The following DPP10 variants were observed in gnomAD, a reference collection of about 807,000 sequenced individuals.
The protein encoded by DPP10 is dipeptidyl peptidase like 10.
Under a neutral mutation model 120.9 loss-of-function variants are expected in DPP10, and 33 were observed. The observed-to-expected ratio is 0.27, with a 90% CI of 0.21 to 0.37. The LOEUF (loss-of-function observed/expected upper bound fraction) is 0.37, where lower values mean the gene tolerates loss of function less well. Ranked by LOEUF, DPP10 falls within the 10% of genes least tolerant of loss-of-function variation. DPP10 has a pLI of 1.00. For synonymous variants in DPP10, 337 were observed against 326.1 expected (o/e 1.03, Z -0.36); for missense variants, 816 against 942.8 (o/e 0.87, Z 1.76).
intron 1 of DPP10, among the ~76,000 whole-genome samples, chr2:114,930,100 G>A (rs1414354221): frequency 6.6e-6 from 1 of 152,078 alleles, no homozygotes; most frequent in Non-Finnish European, 1.5e-5. Flanking sequence ...CTTGTGATGT[G>A]GGGGCAGCCT....
intron 5 of DPP10, among the ~76,000 whole-genome samples, chr2:115,560,493 T>C (rs1374743890): frequency 7.7e-6 from 1 of 129,916 alleles, no homozygotes; most frequent in Non-Finnish European, 1.6e-5. Flanking sequence ...GGGAAGTATA[T>C]TTACAATCTT....
chr2:115,409,928 C>T (rs898810589), intron 3 of DPP10, among the ~76,000 whole-genome samples: 3 of 152,204 alleles, frequency 2.0e-5, no homozygotes, highest in Non-Finnish European at 4.4e-5. Context: ...AACTCAACAT[C>T]GTGTGTTCTC....
intron 8 of DPP10, among the ~76,000 whole-genome samples, chr2:115,734,430 C>A (rs940817117): frequency 1.1e-4 from 17 of 151,910 alleles, no homozygotes; most frequent in African/African-American, 3.9e-4. Context: ...CCGAGGTGGG[C>A]GGATCAACTG....
chr2:114,577,452 G>A lies in DPP10; in HGVS notation c.60+134614G>A, dbSNP rs185545228. ...CATACCTGGGACCCACCGGACTCATGGGCTTCCAATAAGAGTAACCAGAGG... is the reference window on the plus strand; with the variant it reads ...CATACCTGGGACCCACCGGACTCATAGGCTTCCAATAAGAGTAACCAGAGG... On this transcript the variant is annotated intron_variant, in intron 1 of 25. Transcript: ENST00000410059. 4.6e-5 allele frequency among the ~76,000 whole-genome samples: 7 copies of A among 152,320 alleles called. No homozygotes were observed. In the East Asian group the frequency reaches 1.4e-3, roughly 29 times the overall value.
intron 1 of DPP10, among the ~76,000 whole-genome samples, chr2:114,920,893 C>T (rs939487317): frequency 1.3e-5 from 2 of 152,076 alleles, no homozygotes; most frequent in African/African-American, 4.8e-5. Flanking sequence ...TACAGGTAAC[C>T]ATGGTGACAC....
At chr2:114,450,111 G>A (rs905255156) in intron 1 of DPP10, among the ~76,000 whole-genome samples, 2 of 152,086 alleles carry the variant, frequency 1.3e-5, no homozygotes, top group African/African-American at 2.4e-5. Context: ...AGGAGGAATT[G>A]TATCATGGAA....
intron 5 of DPP10, among the ~76,000 whole-genome samples, chr2:115,568,595 T>C (rs1452779801): frequency 6.6e-6 from 1 of 152,188 alleles, no homozygotes; most frequent in African/African-American, 2.4e-5. Context: ...TTGTCTATTT[T>C]TGGGGGTGAT....
At chr2:114,937,758 T>C (rs1430903847) in intron 1 of DPP10, among the ~76,000 whole-genome samples, 4 of 152,150 alleles carry the variant, frequency 2.6e-5, no homozygotes, top group Admixed American at 2.6e-4. Context: ...TCTTCTGATC[T>C]CGGAAGCTAA....
chr2:114,960,742 G>A lies in DPP10; in HGVS notation c.61-348497G>A, dbSNP rs115158050. On this transcript the variant is annotated intron_variant, in intron 1 of 25. Transcript: ENST00000410059. ...AGAAAATACTCTATGCTATTCAGTC[G>A]CTGGACATTCATTGTAATAAGATGT... Among the ~76,000 whole-genome samples, 667 of 152,042 alleles carry A rather than the reference G, an allele frequency of 4.4e-3. 5 individuals are homozygous for A. Among genetic ancestry groups the A allele is most frequent in the African/African-American group, 0.015 (633 of 41,472 alleles).
intron 1 of DPP10, among the ~76,000 whole-genome samples, chr2:115,285,501 G>C (rs549882490): frequency 6.6e-6 from 1 of 152,094 alleles, no homozygotes; most frequent in South Asian, 2.1e-4. Context: ...AGTTACACCG[G>C]TGACCTTTCT....
At chr2:115,172,054 T>C (rs981830753) in intron 1 of DPP10, among the ~76,000 whole-genome samples, 7 of 152,342 alleles carry the variant, frequency 4.6e-5, no homozygotes, top group Admixed American at 3.9e-4. Context: ...TGCTGATATC[T>C]ACACACAGCA....
intron 1 of DPP10, among the ~76,000 whole-genome samples, chr2:114,730,591 G>A (rs751524832): frequency 9.2e-5 from 14 of 151,974 alleles, no homozygotes; most frequent in South Asian, 2.1e-4. Flanking sequence ...TGTTTGGTTC[G>A]TTGTTTGTTT....
chr2:114,637,914 A>T (rs1337044496), intron 1 of DPP10, among the ~76,000 whole-genome samples: 1 of 151,828 alleles, frequency 6.6e-6, no homozygotes, highest in Non-Finnish European at 1.5e-5. Flanking sequence ...GAAGTTGGGT[A>T]GGGTGATGTC....
chr2:115,116,833 T>C (rs1014214172), intron 1 of DPP10, among the ~76,000 whole-genome samples: 2 of 152,226 alleles, frequency 1.3e-5, no homozygotes, highest in African/African-American at 2.4e-5. Flanking sequence ...TTTCCTCTTG[T>C]ATTTTCTCTC....
chr2:115,098,617 C>T (rs2048523538), intron 1 of DPP10, among the ~76,000 whole-genome samples: 1 of 152,038 alleles, frequency 6.6e-6, no homozygotes, highest in South Asian at 2.1e-4. Context: ...AATCTTACGG[C>T]ACCACCATTG....
At chr2:114,981,245 T>A (rs887590255) in intron 1 of DPP10, among the ~76,000 whole-genome samples, 1 of 152,188 alleles carries the variant, frequency 6.6e-6, no homozygotes, top group Non-Finnish European at 1.5e-5. Context: ...TTCTACGACA[T>A]TTTTATGTAA....
intron 8 of DPP10, among the ~76,000 whole-genome samples, chr2:115,735,785 G>A (rs139214494): frequency 1.2e-4 from 18 of 146,522 alleles, no homozygotes. Context: ...CGCCCACCTC[G>A]GCCTCCCAAA....
chr2:115,697,631 A>G (rs965248022), intron 7 of DPP10, among the ~76,000 whole-genome samples: 5 of 152,046 alleles, frequency 3.3e-5, no homozygotes, highest in African/African-American at 4.8e-5. Flanking sequence ...TTTCAACACC[A>G]TACTCTCAAT....
chr2:115,805,360 C>T lies in DPP10; in HGVS notation c.1701-9433C>T, dbSNP rs552135937. ...TTTCTTTGACTAGGAAAGGGAATTC[C>T]CTGACCCCTTGCGCTTCCCGGGTGA... On this transcript the variant is annotated intron_variant, in intron 19 of 25. Coordinates refer to ENST00000410059, the MANE Select transcript of DPP10 (RefSeq NM_020868.6). 5.2e-4 allele frequency among the ~76,000 whole-genome samples: 79 copies of T among 152,188 alleles called. 1 individual carries two copies. Among genetic ancestry groups the T allele is most frequent in the African/African-American group, 1.9e-3 (77 of 41,548 alleles).
Sources: gnomAD v4.1 joint callset for allele counts (sites outside exome capture counted in the v4.1 genomes callset) on GRCh38, gnomAD v4.1.1 for gene constraint, MANE v1.5 for transcripts, NCBI Gene and HGNC (gene_info 2026-07-23, HGNC 2026-07-21) for gene names.